Variants in SCAI observed in about 807,000 individuals in gnomAD.
SCAI encodes protein SCAI.
SCAI carries 24 observed loss-of-function variants against 92.2 expected under a neutral mutation model. The ratio of observed to expected loss-of-function variants is 0.26; its 90% CI spans 0.19 to 0.37. The LOEUF (loss-of-function observed/expected upper bound fraction) is 0.37. SCAI is among the 10% of genes least tolerant of loss of function. The pLI is 1.00. For missense variants in SCAI, 450 were observed against 736.2 expected, an observed-to-expected ratio of 0.61 and a Z score of 4.50; for synonymous variants, 261 against 258.6, an observed-to-expected ratio of 1.01 and a Z score of -0.09.
intron 2 of SCAI, among the ~76,000 whole-genome samples, chr9:125,093,079 G>T (rs1378181614): frequency 6.6e-6 from 1 of 152,146 alleles, no homozygotes; most frequent in Non-Finnish European, 1.5e-5. Flanking sequence ...CATCATTTCC[G>T]GCTGGGCACG....
At chr9:125,109,896 C>T (rs1834898152) in intron 2 of SCAI, among the ~76,000 whole-genome samples, 2 of 152,148 alleles carry the variant, frequency 1.3e-5, no homozygotes, top group Admixed American at 6.5e-5. Flanking sequence ...CCATGATGGC[C>T]AGGCTGGTCT....
chr9:125,132,139 C>T (rs1335933904), intron 2 of SCAI, among the ~76,000 whole-genome samples: 1 of 149,364 alleles, frequency 6.7e-6, no homozygotes, highest in Non-Finnish European at 1.5e-5. Flanking sequence ...TTTGAGACAG[C>T]GTCATGCTCT....
rs1214297895 is a variant in SCAI, at chr9:124,947,639, T to C, written c.*5168A>G. 3 of 152,202 alleles carry C rather than the reference T, an allele frequency of 2.0e-5. No individual in the cohort carries two copies. The highest frequency in any genetic ancestry group is 7.2e-5 in the African/African-American group (3 of 41,444). The allele number at this position is 152,202 out of a possible 1,614,324, so 9.4% of individuals were successfully genotyped here. A position where few individuals can be genotyped will look rare whatever the true frequency, so the allele number is the denominator to read the frequency against. The stretch of plus-strand genomic sequence containing the variant: ...CTGCATACCAATATATTTACAAATA[T>C]GTATACATATATACAAAAAGTATAC... On this transcript the variant is annotated 3_prime_UTR_variant, in exon 18 of 18. Transcript: ENST00000336505.
intron 2 of SCAI, among the ~76,000 whole-genome samples, chr9:125,123,076 G>C (rs998201778): frequency 6.6e-6 from 1 of 152,124 alleles, no homozygotes; most frequent in Non-Finnish European, 1.5e-5. Context: ...AGAAAGACAG[G>C]CTACGACAGG....
At chr9:125,011,497 GAAAC>G (rs1406274505) in intron 9 of SCAI, among the ~76,000 whole-genome samples, 6 of 142,962 alleles carry the variant, frequency 4.2e-5, no homozygotes, top group Non-Finnish European at 7.8e-5. Flanking sequence ...AGAATAAAAA[GAAAC>G]AAACAAAGCC....
In SCAI at chr9:125,012,981, C is replaced by T. The variant is rs377500314; in HGVS notation, c.861+5818G>A. ...AAATAAAGATGTTCTTTGAAACCAA[C>T]GAGAACAAAGACACAACATACCAGA... On this transcript the variant is annotated intron_variant, in intron 9 of 17. Transcript: ENST00000336505. Among the ~76,000 whole-genome samples, 11 of 151,846 alleles carry T rather than the reference C, an allele frequency of 7.2e-5. No individual in the cohort carries two copies. The South Asian group carries it at 2.1e-3, about 29-fold the overall frequency.
chr9:124,957,871 T>G (rs1831354067), intron 17 of SCAI, among the ~76,000 whole-genome samples: 1 of 151,832 alleles, frequency 6.6e-6, no homozygotes, highest in African/African-American at 2.4e-5. Context: ...TTAGTAGAGA[T>G]ATGGTTTTGC....
At chr9:125,029,231 C>G (rs532850214) in intron 4 of SCAI, among the ~76,000 whole-genome samples, 9 of 152,136 alleles carry the variant, frequency 5.9e-5, no homozygotes, top group African/African-American at 1.2e-4. Context: ...AAGCGATTCT[C>G]GTGCCACAGC....
At chr9:125,094,998 C>G (rs1369882799) in intron 2 of SCAI, among the ~76,000 whole-genome samples, 1 of 152,128 alleles carries the variant, frequency 6.6e-6, no homozygotes, top group Non-Finnish European at 1.5e-5. Context: ...ATTACTTTCA[C>G]ACACGAAGTT....
intron 9 of SCAI, among the ~76,000 whole-genome samples, chr9:125,018,200 T>C (rs1832801517): frequency 6.6e-6 from 1 of 151,950 alleles, no homozygotes; most frequent in South Asian, 2.1e-4. Context: ...GTTCAAGTGA[T>C]TCTCTTGCCT....
Position 125,029,664 on chromosome 9 carries a change from C to T in SCAI, c.306G>A (p.Trp102Ter). Residue 102 changes from tryptophan (W) to a stop codon, truncating the protein, a stop_gained, in exon 4 of 18, where the codon TGG becomes TGA. Transcript: ENST00000336505. LOFTEE classifies it high-confidence loss of function. ...TTTACCGATGCTGCTGCTGGAACTT[C>T]CAGAGTTTGGTGTAAACATCAAAAG... ...GRTFDVYTKLWKFQQQHRQVL... is the reference protein window; with the variant it reads ...GRTFDVYTKL 1 of 1,611,550 alleles carries T rather than the reference C, an allele frequency of 6.2e-7. No homozygotes were observed. Among genetic ancestry groups the T allele is most frequent in the Non-Finnish European group, 8.5e-7 (1 of 1,178,206 alleles).
chr9:124,955,826 A>G (rs2131572223), intron 17 of SCAI, among the ~76,000 whole-genome samples: 1 of 152,344 alleles, frequency 6.6e-6, no homozygotes, highest in African/African-American at 2.4e-5. Flanking sequence ...TTATGCCAAC[A>G]AATTAGATAA....
At chr9:124,957,413 A>G (rs1324473197) in intron 17 of SCAI, among the ~76,000 whole-genome samples, 1 of 151,868 alleles carries the variant, frequency 6.6e-6, no homozygotes, top group Non-Finnish European at 1.5e-5. Flanking sequence ...CCCAGGCTGG[A>G]GTGCAGTGGT....
chr9:125,037,785 G>A (rs559044196), intron 3 of SCAI, among the ~76,000 whole-genome samples: 7 of 151,980 alleles, frequency 4.6e-5, no homozygotes, highest in Admixed American at 2.0e-4. Context: ...GTCTGGTGGC[G>A]AACGCCTATA....
chr9:125,137,577 T>G (rs1435174966), intron 2 of SCAI, among the ~76,000 whole-genome samples: 5 of 152,160 alleles, frequency 3.3e-5, no homozygotes, highest in Non-Finnish European at 7.4e-5. Context: ...AATAACTCAC[T>G]TGGATTGAGA....
At chr9:125,120,468 G>C in intron 2 of SCAI, among the ~76,000 whole-genome samples, 1 of 152,162 alleles carries the variant, frequency 6.6e-6, no homozygotes, top group East Asian at 1.9e-4. Context: ...CAAGGTGGGT[G>C]AATCACCTGA....
chr9:125,116,352 C>G (rs1308353634), intron 2 of SCAI, among the ~76,000 whole-genome samples: 1 of 151,884 alleles, frequency 6.6e-6, no homozygotes. Context: ...ATATCCCTGC[C>G]CTCACAGGGC....
chr9:125,085,492 A>C (rs575220462), intron 2 of SCAI, among the ~76,000 whole-genome samples: 1 of 151,928 alleles, frequency 6.6e-6, no homozygotes, highest in African/African-American at 2.4e-5. Context: ...TGTCTCAAAA[A>C]AGAAAAAAAA....
At chr9:125,078,628 C>T (rs972209872) in intron 2 of SCAI, among the ~76,000 whole-genome samples, 4 of 152,114 alleles carry the variant, frequency 2.6e-5, no homozygotes, top group African/African-American at 9.7e-5. Flanking sequence ...CAGCTTCCCA[C>T]TGTTAGGCTG....
Sources: gnomAD v4.1 joint callset for allele counts (sites outside exome capture counted in the v4.1 genomes callset) on GRCh38, gnomAD v4.1.1 for gene constraint, MANE v1.5 for transcripts, NCBI Gene and HGNC (gene_info 2026-07-23, HGNC 2026-07-21) for gene names.